C1QTNF3: variants seen among roughly 807,000 people sequenced by gnomAD.
C1QTNF3 encodes the protein complement C1q tumor necrosis factor-related protein 3.
C1QTNF3 carries 26 observed loss-of-function variants against 32.6 expected under a neutral mutation model. The observed-to-expected ratio is 0.80, with a 90% CI of 0.58 to 1.11. The LOEUF (loss-of-function observed/expected upper bound fraction) is 1.11, where lower values mean the gene tolerates loss of function less well. Ranked by LOEUF, C1QTNF3 falls within the 50% of genes least tolerant of loss-of-function variation. The pLI is 0.00. For missense variants in C1QTNF3, 362 were observed against 398.2 expected (o/e 0.91, Z 0.77); for synonymous variants, 155 against 146.0 (o/e 1.06, Z -0.44).
chr5:34,161,946 C>T, the C1QTNF3 span, among the ~76,000 whole-genome samples: 74,241 of 151,862 alleles, frequency 0.49, 20,488 homozygotes, highest in Non-Finnish European at 0.61. Context: ...ATTTTTTTAA[C>T]GATTTTTTTT....
chr5:34,033,444 TGTTTCCATG>T lies in C1QTNF3; in HGVS notation c.421_429del (p.His141_Asn143del), dbSNP rs1355960409. 3 of 1,614,226 alleles carry T rather than the reference TGTTTCCATG, an allele frequency of 1.9e-6. No homozygotes were observed. Among genetic ancestry groups the T allele is most frequent in the South Asian group, 2.2e-5 (2 of 91,086 alleles). ...TGACCAGTGGCTCCATTGTTGCCAT[TGTTTCCATG>T]GTTTCCTTAAACAACCAGACATCAT... On this transcript the variant is annotated inframe_deletion, in exon 3 of 6. Transcript: ENST00000382065.
chr5:34,045,349 C>T (rs1168681970), upstream of C1QTNF3, among the ~76,000 whole-genome samples: 3 of 152,164 alleles, frequency 2.0e-5, no homozygotes, highest in African/African-American at 7.2e-5. Flanking sequence ...GGACTCTATC[C>T]CAGACCAATT....
At chr5:34,170,321 T>C in the C1QTNF3 span, among the ~76,000 whole-genome samples, 1 of 152,174 alleles carries the variant, frequency 6.6e-6, no homozygotes, top group African/African-American at 2.4e-5. Context: ...ATGAACTTTG[T>C]TGTGCAAGAT....
chr5:34,215,452 C>T, the C1QTNF3 span, among the ~76,000 whole-genome samples: 1 of 152,124 alleles, frequency 6.6e-6, no homozygotes. Flanking sequence ...TAAAAAAGGC[C>T]ACAGGCCTGT....
chr5:34,032,024 GTCTAGT>G (rs1754626328), intron 3 of C1QTNF3, among the ~76,000 whole-genome samples: 1 of 152,202 alleles, frequency 6.6e-6, no homozygotes, highest in Non-Finnish European at 1.5e-5. Context: ...TCGCTTTATA[GTCTAGT>G]TCTTCAAAAA....
At chr5:34,141,197 G>C in the C1QTNF3 span, among the ~76,000 whole-genome samples, 1 of 152,002 alleles carries the variant, frequency 6.6e-6, no homozygotes, top group Non-Finnish European at 1.5e-5. Context: ...TTGGCTCACT[G>C]CAACTTCGCC....
chr5:34,085,806 T>A, the C1QTNF3 span, among the ~76,000 whole-genome samples: 309 of 151,770 alleles, frequency 2.0e-3, 2 homozygotes, highest in Middle Eastern at 3.4e-3. Context: ...CTGGAGAGGA[T>A]GTGGAAAAAC....
chr5:34,243,688 T>C, the C1QTNF3 span, among the ~76,000 whole-genome samples: 1 of 151,780 alleles, frequency 6.6e-6, no homozygotes, highest in Non-Finnish European at 1.5e-5. Flanking sequence ...GCTAAGGACA[T>C]AATCCTAAGC....
chr5:34,242,481 C>T, the C1QTNF3 span, among the ~76,000 whole-genome samples: 1 of 152,194 alleles, frequency 6.6e-6, no homozygotes, highest in African/African-American at 2.4e-5. Flanking sequence ...AAACTGGATG[C>T]TTACCTTCCA....
chr5:34,165,218 C>T, the C1QTNF3 span: 3 of 152,068 alleles, frequency 2.0e-5, no homozygotes, highest in South Asian at 6.2e-4. Flanking sequence ...CCATCAGTTT[C>T]CCTAGTTCTG....
chr5:34,133,675 T>C, the C1QTNF3 span, among the ~76,000 whole-genome samples: 3 of 152,184 alleles, frequency 2.0e-5, no homozygotes, highest in Non-Finnish European at 4.4e-5. Context: ...TCATGGGACA[T>C]CAAAGCAATG....
At chr5:34,039,269 G>GT (rs1223453080) in intron 1 of C1QTNF3, among the ~76,000 whole-genome samples, 1 of 152,054 alleles carries the variant, frequency 6.6e-6, no homozygotes, top group Non-Finnish European at 1.5e-5. Flanking sequence ...GTATGCCAAC[G>GT]TAAAAAAACC....
chr5:34,041,786 T>C (rs919278707), intron 1 of C1QTNF3, among the ~76,000 whole-genome samples: 1 of 152,062 alleles, frequency 6.6e-6, no homozygotes, highest in African/African-American at 2.4e-5. Flanking sequence ...GTTTCAAATC[T>C]GCAATTGATT....
At chr5:34,091,867 CATG>C in the C1QTNF3 span, among the ~76,000 whole-genome samples, 1 of 151,820 alleles carries the variant, frequency 6.6e-6, no homozygotes, top group Non-Finnish European at 1.5e-5. Flanking sequence ...ATGAAATTTG[CATG>C]ATGAGATCAT....
At chr5:34,147,762 TCA>T in the C1QTNF3 span, among the ~76,000 whole-genome samples, 10 of 152,150 alleles carry the variant, frequency 6.6e-5, no homozygotes. Flanking sequence ...AACCTCAGCA[TCA>T]CACAACAGAT....
chr5:34,123,008 C>G, the C1QTNF3 span, among the ~76,000 whole-genome samples: 1 of 150,710 alleles, frequency 6.6e-6, no homozygotes, highest in African/African-American at 2.4e-5. Flanking sequence ...CAGTTCTCCT[C>G]CTCAGTCACC....
the C1QTNF3 span, among the ~76,000 whole-genome samples, chr5:34,159,217 ATGT>A: frequency 6.6e-6 from 1 of 152,118 alleles, no homozygotes; most frequent in Non-Finnish European, 1.5e-5. Context: ...TAAACCTATA[ATGT>A]TGTTTACTAT....
the C1QTNF3 span, among the ~76,000 whole-genome samples, chr5:34,178,272 T>A: frequency 6.6e-6 from 1 of 152,028 alleles, no homozygotes; most frequent in African/African-American, 2.4e-5. Context: ...CAACTGAAAC[T>A]CCTCCTCAAA....
At chr5:34,216,294 C>T in the C1QTNF3 span, among the ~76,000 whole-genome samples, 1 of 152,106 alleles carries the variant, frequency 6.6e-6, no homozygotes, top group Non-Finnish European at 1.5e-5. Context: ...TTCTCCATAG[C>T]TAAGGACAGT....
Sources: allele counts gnomAD v4.1 joint callset (sites outside exome capture counted in the v4.1 genomes callset), GRCh38; gene constraint gnomAD v4.1.1; transcripts MANE v1.5; gene names NCBI Gene and HGNC (gene_info 2026-07-23, HGNC 2026-07-21).